The following ATP9B variants were observed in gnomAD, a reference collection of about 807,000 sequenced individuals.
ATP9B encodes the protein ATPase phospholipid transporting 9B.
A neutral mutation model predicts 146.1 loss-of-function variants in ATP9B; 110 were observed. The ratio of observed to expected loss-of-function variants is 0.75; its 90% CI spans 0.65 to 0.88. The LOEUF (loss-of-function observed/expected upper bound fraction) is 0.88, where lower values mean the gene tolerates loss of function less well. Among genes scored for constraint, ATP9B ranks in the 40% least tolerant of loss-of-function variants. ATP9B has a pLI of 0.00. For synonymous variants in ATP9B, 604 were observed against 569.7 expected, an observed-to-expected ratio of 1.06 and a Z score of -0.86; for missense variants, 1,499 against 1,496.4, an observed-to-expected ratio of 1.00 and a Z score of -0.03.
At chr18:79,234,875 T>G (rs1026619296) in intron 11 of ATP9B, among the ~76,000 whole-genome samples, 1 of 152,172 alleles carries the variant, frequency 6.6e-6, no homozygotes, top group Non-Finnish European at 1.5e-5. Context: ...TATTGCATAT[T>G]ATTTATTTAT....
At chr18:79,288,974 C>G (rs1235685563) in intron 13 of ATP9B, among the ~76,000 whole-genome samples, 1 of 152,140 alleles carries the variant, frequency 6.6e-6, no homozygotes, top group Admixed American at 6.5e-5. Flanking sequence ...GAGTTTCTGC[C>G]GAGAGATCCA....
chr18:79,093,235 T>G (rs1027829260), intron 1 of ATP9B, among the ~76,000 whole-genome samples: 2 of 152,212 alleles, frequency 1.3e-5, no homozygotes, highest in African/African-American at 4.8e-5. Context: ...TAAAGTAAGG[T>G]TGACAGAGTC....
At chr18:79,090,315 G>T (rs1335163547) in intron 1 of ATP9B, among the ~76,000 whole-genome samples, 1 of 152,142 alleles carries the variant, frequency 6.6e-6, no homozygotes, top group African/African-American at 2.4e-5. Context: ...GGATCATATA[G>T]TAGCTCAATT....
At chr18:79,164,065 C>G (rs954725944) in intron 7 of ATP9B, among the ~76,000 whole-genome samples, 1 of 152,042 alleles carries the variant, frequency 6.6e-6, no homozygotes, top group Admixed American at 6.6e-5. Flanking sequence ...ACTACAGGTG[C>G]TTGCTACCAT....
chr18:79,187,427 T>A (rs1382530287), intron 8 of ATP9B, among the ~76,000 whole-genome samples: 2 of 152,192 alleles, frequency 1.3e-5, no homozygotes, highest in Non-Finnish European at 2.9e-5. Context: ...AAGGGGCACA[T>A]GTCCTTTCGC....
chr18:79,312,292 C>T (rs1249788170), intron 15 of ATP9B, among the ~76,000 whole-genome samples: 1 of 152,190 alleles, frequency 6.6e-6, no homozygotes, highest in Admixed American at 6.5e-5. Context: ...TTCCTAAATG[C>T]AGTTATATTA....
chr18:79,173,433 T>G (rs1206008846), intron 7 of ATP9B, among the ~76,000 whole-genome samples: 7 of 97,766 alleles, frequency 7.2e-5, no homozygotes, highest in African/African-American at 1.1e-4. Flanking sequence ...CTTGTGGTGG[T>G]TTTTTTTTTT....
intron 12 of ATP9B, 43 bp downstream of exon 12, chr18:79,253,584 G>C: frequency 6.6e-7 from 1 of 1,517,560 alleles, no homozygotes; most frequent in Non-Finnish European, 8.9e-7. Context: ...TGGTTTCATT[G>C]AGTATGATTT....
chr18:79,318,112 G>A (rs2096692226), intron 15 of ATP9B, among the ~76,000 whole-genome samples: 1 of 152,274 alleles, frequency 6.6e-6, no homozygotes, highest in African/African-American at 2.4e-5. Context: ...GAGAAAGACA[G>A]ATCGCCCATG....
At chr18:79,317,157 A>C (rs538116404) in intron 15 of ATP9B, among the ~76,000 whole-genome samples, 172 of 152,364 alleles carry the variant, frequency 1.1e-3, no homozygotes, top group Non-Finnish European at 2.0e-3. Context: ...GTTTTGAGGC[A>C]CAAATAAATC....
intron 19 of ATP9B, among the ~76,000 whole-genome samples, chr18:79,338,447 G>T (rs1463010077): frequency 6.6e-6 from 1 of 152,206 alleles, no homozygotes; most frequent in East Asian, 1.9e-4. Flanking sequence ...CTCCCAGCAG[G>T]CAGTGCCCAC....
intron 21 of ATP9B, among the ~76,000 whole-genome samples, chr18:79,344,892 C>T (rs771086266): frequency 7.2e-5 from 11 of 152,176 alleles, no homozygotes; most frequent in South Asian, 6.2e-4. Flanking sequence ...CTTCATGCCT[C>T]GTTTTCTTCG....
intron 9 of ATP9B, among the ~76,000 whole-genome samples, chr18:79,201,598 T>C (rs878904324): frequency 6.6e-6 from 1 of 151,970 alleles, no homozygotes; most frequent in Non-Finnish European, 1.5e-5. Context: ...TGAGATGGAG[T>C]CTTGCTGTGT....
At chr18:79,131,041 A>G (rs139509111) in intron 5 of ATP9B, among the ~76,000 whole-genome samples, 156 of 152,214 alleles carry the variant, frequency 1.0e-3, no homozygotes, top group African/African-American at 3.6e-3. Context: ...TGCACCTGTA[A>G]TCCCAGTTAG....
At chr18:79,250,251 A>G (rs147472690) in intron 11 of ATP9B, among the ~76,000 whole-genome samples, 136 of 152,294 alleles carry the variant, frequency 8.9e-4, no homozygotes, top group Middle Eastern at 3.4e-3. Flanking sequence ...CCTCACTGCT[A>G]TGTTGCAGGG....
At chr18:79,256,284 T>TATATATATATATATATATATATATACAC (rs1217998447) in intron 12 of ATP9B, among the ~76,000 whole-genome samples, 1 of 122,898 alleles carries the variant, frequency 8.1e-6, no homozygotes, top group Non-Finnish European at 1.8e-5. Flanking sequence ...TATATATATA[T>TATATATATATATATATATATATATACAC]ATACATACAT....
chr18:79,200,073 G>C lies in ATP9B; in HGVS notation c.954+6810G>C, dbSNP rs140916858. 2.0e-5 allele frequency among the ~76,000 whole-genome samples: 3 copies of C among 152,294 alleles called. No individual in the cohort carries two copies. The East Asian group carries it at 5.8e-4, about 29-fold the overall frequency. On this transcript the variant is annotated intron_variant, in intron 9 of 29. Transcript: ENST00000426216. ...ATAGTTGTTTGTTATTTAATATTAT[G>C]TACTGTACATAATTGTATGCACTAG...
intron 5 of ATP9B, among the ~76,000 whole-genome samples, chr18:79,135,020 C>G (rs1313479673): frequency 6.6e-6 from 1 of 152,142 alleles, no homozygotes; most frequent in Non-Finnish European, 1.5e-5. Context: ...AGGGATCTTT[C>G]TTTTCTTTTT....
intron 1 of ATP9B, among the ~76,000 whole-genome samples, chr18:79,071,823 T>A (rs540720913): frequency 6.6e-6 from 1 of 152,278 alleles, no homozygotes; most frequent in South Asian, 2.1e-4. Context: ...ACTTTGTCTT[T>A]AGTTTTCAGA....
Sources: gnomAD v4.1 joint callset for allele counts (sites outside exome capture counted in the v4.1 genomes callset) on GRCh38, gnomAD v4.1.1 for gene constraint, MANE v1.5 for transcripts, NCBI Gene and HGNC (gene_info 2026-07-23, HGNC 2026-07-21) for gene names.